Variants in DGKB observed in about 807,000 individuals in gnomAD.
DGKB encodes the protein 90 kDa diacylglycerol kinase.
Under a neutral mutation model 114.3 loss-of-function variants are expected in DGKB, and 67 were observed. That is an observed-to-expected ratio of 0.59 (90% confidence interval 0.48 to 0.72). The LOEUF (loss-of-function observed/expected upper bound fraction) is 0.72. Ranked by LOEUF, DGKB falls within the 30% of genes least tolerant of loss-of-function variation. DGKB has a pLI of 0.00. For synonymous variants in DGKB, 398 were observed against 323.1 expected (o/e 1.23, Z -2.49); for missense variants, 907 against 975.2 (o/e 0.93, Z 0.93).
chr7:14,578,653 G>A (rs956706298), intron 19 of DGKB, among the ~76,000 whole-genome samples: 2 of 152,122 alleles, frequency 1.3e-5, no homozygotes, highest in African/African-American at 2.4e-5. Flanking sequence ...AATCATGTAA[G>A]CTCTAGTCTG....
intron 25 of DGKB, 85 bp downstream of exon 25, chr7:14,176,754 G>T: frequency 6.4e-7 from 1 of 1,552,752 alleles, no homozygotes; most frequent in Non-Finnish European, 8.7e-7. Flanking sequence ...AAGAAATAAA[G>T]AAAAAAATCA....
At chr7:14,180,487 C>T (rs1782484398) in intron 23 of DGKB, among the ~76,000 whole-genome samples, 2 of 152,118 alleles carry the variant, frequency 1.3e-5, no homozygotes, top group Non-Finnish European at 2.9e-5. Context: ...AGACTTAGAA[C>T]ACCCAGGCTT....
At chr7:14,418,308 T>C (rs1826059566) in intron 21 of DGKB, among the ~76,000 whole-genome samples, 2 of 145,070 alleles carry the variant, frequency 1.4e-5, no homozygotes. Flanking sequence ...TATATGTATG[T>C]ATATATGTAT....
At chr7:14,438,925 CT>C (rs34283340) in intron 21 of DGKB, among the ~76,000 whole-genome samples, 4,926 of 146,778 alleles carry the variant, frequency 0.034, 223 homozygotes, top group African/African-American at 0.1. Context: ...ATTTCTAAGA[CT>C]TTTTTTTTTT....
At chr7:14,884,935 A>G (rs1298864656) in intron 1 of DGKB, among the ~76,000 whole-genome samples, 1 of 151,928 alleles carries the variant, frequency 6.6e-6, no homozygotes, top group Non-Finnish European at 1.5e-5. Context: ...ATCACGTAAA[A>G]CTCAGAGAAA....
chr7:14,602,751 T>C (rs541934431), intron 17 of DGKB, among the ~76,000 whole-genome samples: 321 of 152,296 alleles, frequency 2.1e-3, no homozygotes, highest in Middle Eastern at 6.8e-3. Context: ...TGTTTGTAAT[T>C]AGCCAGTCTA....
intron 13 of DGKB, among the ~76,000 whole-genome samples, chr7:14,650,789 A>T (rs1814275567): frequency 6.8e-6 from 1 of 146,502 alleles, no homozygotes; most frequent in Non-Finnish European, 1.5e-5. Flanking sequence ...GATCAAATAG[A>T]CGCAATAAAA....
At position 14,246,851 on chromosome 7, in the gene DGKB, C is replaced by G. The variant is rs1273511861; in HGVS notation, c.2123-68700G>C. On this transcript the variant is annotated intron_variant, in intron 23 of 25. Transcript: ENST00000402815. Reference sequence around the variant, plus strand: ...CTATTCTCAGCAAATTTGAAGTTTACAAAACACTATTATTAACTATACTGC... The same window carrying G: ...CTATTCTCAGCAAATTTGAAGTTTAGAAAACACTATTATTAACTATACTGC... 2.0e-5 allele frequency among the ~76,000 whole-genome samples: 3 copies of G among 152,030 alleles called. No homozygotes were observed. In the East Asian group the frequency reaches 5.8e-4, roughly 29 times the overall value.
intron 4 of DGKB, chr7:14,750,249 C>A: frequency 2.1e-6 from 1 of 473,870 alleles, no homozygotes; most frequent in Non-Finnish European, 4.2e-6. Flanking sequence ...AATATTAACA[C>A]ATGGTATAAG....
At chr7:14,833,478 G>C (rs1264828523) in intron 2 of DGKB, among the ~76,000 whole-genome samples, 4 of 152,056 alleles carry the variant, frequency 2.6e-5, no homozygotes, top group African/African-American at 9.7e-5. Context: ...TTCAGGAATA[G>C]GAAAAGCTAG....
chr7:14,405,247 T>C (rs182521639), intron 21 of DGKB, among the ~76,000 whole-genome samples: 42 of 152,090 alleles, frequency 2.8e-4, no homozygotes, highest in South Asian at 1.5e-3. Flanking sequence ...ATCATTCTCA[T>C]GATTTTTTAA....
chr7:14,462,409 C>A (rs548007985), intron 21 of DGKB, among the ~76,000 whole-genome samples: 1 of 152,252 alleles, frequency 6.6e-6, no homozygotes, highest in Admixed American at 6.5e-5. Context: ...TCAGCAGTCT[C>A]AGGAGAAAAA....
At chr7:14,826,670 G>A (rs749274859) in intron 2 of DGKB, among the ~76,000 whole-genome samples, 1 of 152,002 alleles carries the variant, frequency 6.6e-6, no homozygotes, top group Non-Finnish European at 1.5e-5. Context: ...TTTGACCTTA[G>A]GCAAATAAAT....
chr7:14,632,316 AG>A (rs1482164960), intron 13 of DGKB, among the ~76,000 whole-genome samples: 1 of 151,888 alleles, frequency 6.6e-6, no homozygotes, highest in African/African-American at 2.4e-5. Flanking sequence ...CCTTAGTCTT[AG>A]AAGGTGCTTG....
intron 23 of DGKB, among the ~76,000 whole-genome samples, chr7:14,299,166 A>T (rs1383594858): frequency 6.6e-6 from 1 of 152,116 alleles, no homozygotes; most frequent in East Asian, 1.9e-4. Context: ...ACTCTATTCC[A>T]AATCTATCAA....
chr7:14,241,673 T>C (rs1233564077), intron 23 of DGKB, among the ~76,000 whole-genome samples: 1 of 152,064 alleles, frequency 6.6e-6, no homozygotes, highest in Non-Finnish European at 1.5e-5. Flanking sequence ...GTAAAATTTA[T>C]TTCCCTAAAC....
intron 23 of DGKB, chr7:14,191,242 G>A (rs562148896): frequency 1.9e-5 from 3 of 157,304 alleles, no homozygotes; most frequent in African/African-American, 7.2e-5. Context: ...AACAGTTATT[G>A]TTAACAAAAT....
At chr7:14,420,541 G>T (rs1322971971) in intron 21 of DGKB, among the ~76,000 whole-genome samples, 2 of 151,710 alleles carry the variant, frequency 1.3e-5, no homozygotes, top group African/African-American at 4.8e-5. Context: ...TTTTTTCTCT[G>T]TACTTCTGAA....
chr7:14,689,199 ATTTTTT>A (rs551618345), intron 9 of DGKB, among the ~76,000 whole-genome samples: 15 of 76,572 alleles, frequency 2.0e-4, no homozygotes, highest in East Asian at 7.0e-4. Context: ...AACTCCTCTT[ATTTTTT>A]TTTTTTTTTT....
Sources: allele counts gnomAD v4.1 joint callset (sites outside exome capture counted in the v4.1 genomes callset), GRCh38; gene constraint gnomAD v4.1.1; transcripts MANE v1.5; gene names NCBI Gene and HGNC (gene_info 2026-07-23, HGNC 2026-07-21).